Variants in AKAP13 observed in about 807,000 individuals in gnomAD.
AKAP13 encodes A-kinase anchor protein 13.
A neutral mutation model predicts 264.5 loss-of-function variants in AKAP13; 80 were observed. The ratio of observed to expected loss-of-function variants is 0.30; its 90% CI spans 0.25 to 0.36. AKAP13 has a LOEUF of 0.36. AKAP13 is among the 10% of genes least tolerant of loss of function. The pLI is 1.00. For missense variants in AKAP13, 3,712 were observed against 3,435.2 expected (o/e 1.08, Z -2.01); for synonymous variants, 1,380 against 1,250.2 (o/e 1.10, Z -2.19).
At chr15:85,573,467 C>T (rs928293452) in intron 5 of AKAP13, among the ~76,000 whole-genome samples, 2 of 151,894 alleles carry the variant, frequency 1.3e-5, no homozygotes, top group Non-Finnish European at 2.9e-5. Flanking sequence ...AATCGATGAA[C>T]CTGGGAGTTA....
chr15:85,720,630 C>T (rs2087224116), intron 23 of AKAP13, among the ~76,000 whole-genome samples: 2 of 152,148 alleles, frequency 1.3e-5, no homozygotes, highest in African/African-American at 4.8e-5. Flanking sequence ...GATGCAGATT[C>T]CCCAAAGATG....
chr15:85,440,274 G>T (rs964219380), intron 1 of AKAP13, among the ~76,000 whole-genome samples: 2 of 152,098 alleles, frequency 1.3e-5, no homozygotes, highest in Non-Finnish European at 2.9e-5. Context: ...ACTTGTTATA[G>T]ACTTGTTCAC....
chr15:85,630,122 G>C (rs1301505033), intron 8 of AKAP13, among the ~76,000 whole-genome samples: 1 of 150,614 alleles, frequency 6.6e-6, no homozygotes, highest in Non-Finnish European at 1.5e-5. Context: ...TTAGACACTG[G>C]TGTGTGCCAT....
intron 29 of AKAP13, among the ~76,000 whole-genome samples, chr15:85,730,000 G>T (rs1185850560): frequency 1.3e-5 from 2 of 152,136 alleles, no homozygotes; most frequent in Non-Finnish European, 2.9e-5. Flanking sequence ...ATGGAGCTGA[G>T]ACAGGAGCCC....
In AKAP13 at chr15:85,560,720, T is replaced by C. The variant is rs79768492; in HGVS notation, c.663-14411T>C. Reference sequence around the variant, plus strand: ...TATCAATTTCTGATTTTTAAAAAAATTAAAACTAGTGAGTGCTAGAGTGAG... The same window carrying C: ...TATCAATTTCTGATTTTTAAAAAAACTAAAACTAGTGAGTGCTAGAGTGAG... On this transcript the variant is annotated intron_variant, in intron 5 of 36. Coordinates refer to ENST00000394518, the MANE Select transcript of AKAP13 (RefSeq NM_007200.5). Among the ~76,000 whole-genome samples the C allele has an allele frequency of 3.8e-3, 586 of 152,228 alleles. 2 individuals are homozygous for C. Among genetic ancestry groups the C allele is most frequent in the African/African-American group, 0.013 (559 of 41,516 alleles).
At chr15:85,627,564 C>G (rs1054439552) in intron 8 of AKAP13, 3 of 152,272 alleles carry the variant, frequency 2.0e-5, no homozygotes, top group African/African-American at 7.2e-5. Flanking sequence ...TTTTTACTAC[C>G]TTTCTTATAT....
At chr15:85,464,680 T>C (rs912523573) in intron 1 of AKAP13, among the ~76,000 whole-genome samples, 1 of 152,240 alleles carries the variant, frequency 6.6e-6, no homozygotes, top group African/African-American at 2.4e-5. Flanking sequence ...CTCAAGCTTA[T>C]ATAACTCGGA....
At chr15:85,442,187 G>A (rs868211647) in intron 1 of AKAP13, among the ~76,000 whole-genome samples, 7 of 151,336 alleles carry the variant, frequency 4.6e-5, no homozygotes, top group African/African-American at 1.2e-4. Flanking sequence ...TGAGGTGGGC[G>A]GATCACGAGG....
intron 1 of AKAP13, among the ~76,000 whole-genome samples, chr15:85,425,309 G>A (rs2072721762): frequency 6.6e-6 from 1 of 152,068 alleles, no homozygotes; most frequent in East Asian, 1.9e-4. Flanking sequence ...TAAAAAGCCT[G>A]GTTTTAAATT....
chr15:85,730,633 C>T lies in AKAP13; in HGVS notation c.7208C>T (p.Pro2403Leu). ...LPEDCSPTHS[P>L]RVLFRSNTEE... Reference sequence around the variant, plus strand: ...GAGGATTGCTCCCCAACACATAGCCCTAGAGTTCTCTTCCGCTCCAACACA... The same window carrying T: ...GAGGATTGCTCCCCAACACATAGCCTTAGAGTTCTCTTCCGCTCCAACACA... Residue 2403 changes from proline (P) to leucine (L), a missense_variant, in exon 30 of 37, where the codon CCT becomes CTT. Physicochemically the swap from Pro to Leu is moderately conservative, Grantham distance 98. Around this residue, in one of 3 missense-constraint regions of AKAP13, gnomAD observed 611 missense variants for 539.3 expected, o/e 1.13. Transcript: ENST00000394518. 6.2e-7 allele frequency: 1 copy of T among 1,614,144 alleles called. No homozygotes were observed. The highest frequency in any genetic ancestry group is 8.5e-7 in the Non-Finnish European group (1 of 1,180,020).
At chr15:85,508,774 C>G (rs959213981) in intron 2 of AKAP13, among the ~76,000 whole-genome samples, 1 of 152,188 alleles carries the variant, frequency 6.6e-6, no homozygotes, top group Admixed American at 6.5e-5. Flanking sequence ...TTTGCTCCTC[C>G]AGACTGACCT....
intron 8 of AKAP13, among the ~76,000 whole-genome samples, chr15:85,612,219 G>A (rs8030490): frequency 0.24 from 36,866 of 151,980 alleles, 6,016 homozygotes; most frequent in East Asian, 0.57. Flanking sequence ...TGGCCCTCAG[G>A]TTTTAAAAGT....
At position 85,465,683 on chromosome 15, in the gene AKAP13, T is replaced by G. The variant is rs1056376919; in HGVS notation, c.-11-20027T>G. 2.5e-4 allele frequency among the ~76,000 whole-genome samples: 38 copies of G among 151,684 alleles called. 1 individual carries two copies. Among genetic ancestry groups the G allele is most frequent in the South Asian group, 6.3e-4 (3 of 4,796 alleles). On this transcript the variant is annotated intron_variant, in intron 1 of 36. Transcript: ENST00000394518. ...CATGTCCCTACAAAGGACATGAACT[T>G]ATCATTTTTTATGGCCGCATAGTAT...
chr15:85,413,066 T>A (rs1482757637), intron 1 of AKAP13, among the ~76,000 whole-genome samples: 2 of 152,242 alleles, frequency 1.3e-5, no homozygotes, highest in Non-Finnish European at 2.9e-5. Flanking sequence ...ATCAGGATGT[T>A]CTGCTGCCTC....
intron 19 of AKAP13, among the ~76,000 whole-genome samples, chr15:85,711,072 A>G (rs1012813288): frequency 2.6e-5 from 4 of 151,844 alleles, no homozygotes; most frequent in East Asian, 1.9e-4. Context: ...CTGGAGTACA[A>G]TAGCACAATC....
intron 8 of AKAP13, among the ~76,000 whole-genome samples, chr15:85,607,048 G>C (rs1001819201): frequency 6.6e-6 from 1 of 151,768 alleles, no homozygotes; most frequent in African/African-American, 2.4e-5. Flanking sequence ...CTCAGATGAA[G>C]AGGCTTTTTT....
At chr15:85,432,694 A>G (rs2073075119) in intron 1 of AKAP13, among the ~76,000 whole-genome samples, 1 of 152,196 alleles carries the variant, frequency 6.6e-6, no homozygotes, top group Non-Finnish European at 1.5e-5. Context: ...ATATAATACA[A>G]GGTGAAAAAA....
intron 30 of AKAP13, among the ~76,000 whole-genome samples, chr15:85,733,285 G>A (rs535726799): frequency 1.3e-5 from 2 of 152,232 alleles, no homozygotes; most frequent in East Asian, 3.9e-4. Flanking sequence ...TTACTCTCAA[G>A]TATGTTGTTT....
chr15:85,499,841 T>A (rs2075993257), intron 2 of AKAP13, among the ~76,000 whole-genome samples: 1 of 152,168 alleles, frequency 6.6e-6, no homozygotes, highest in Admixed American at 6.5e-5. Flanking sequence ...AGATGCACAT[T>A]TGTATGCATG....
Sources: allele counts gnomAD v4.1 joint callset (sites outside exome capture counted in the v4.1 genomes callset), GRCh38; gene constraint gnomAD v4.1.1; regional missense constraint gnomAD v4.1.1; transcripts MANE v1.5; gene names NCBI Gene and HGNC (gene_info 2026-07-23, HGNC 2026-07-21).